GABRA3: variants seen among roughly 807,000 people sequenced by gnomAD.
GABRA3 encodes the protein gamma-aminobutyric acid type A receptor subunit alpha3.
In GABRA3, 10 loss-of-function variants were observed where a neutral mutation model predicts 30.1. The ratio of observed to expected loss-of-function variants is 0.33; its 90% confidence interval spans 0.20 to 0.56. The LOEUF is 0.56. Among genes scored for constraint, GABRA3 ranks in the 20% least tolerant of loss-of-function variants. GABRA3 has a pLI of 0.89. For missense variants in GABRA3, 233 were observed against 392.0 expected, an observed-to-expected ratio of 0.59 and a Z score of 3.42; for synonymous variants, 151 against 146.8, an observed-to-expected ratio of 1.03 and a Z score of -0.21.
intron 2 of GABRA3, 60 bp downstream of exon 2, chrX:152,364,371 T>G: frequency 9.0e-7 from 1 of 1,109,342 alleles, no homozygotes; most frequent in Non-Finnish European, 1.2e-6. Context: ...ATCAGAAGTT[T>G]TGGTCTGAGG....
At chrX:152,323,090 A>T (rs1455396871) in intron 3 of GABRA3, among the ~76,000 whole-genome samples, 1 of 109,395 alleles carries the variant, frequency 9.1e-6, no homozygotes, top group Non-Finnish European at 1.9e-5. Context: ...TGATCTCGTG[A>T]TCTGCCTGCC....
intron 1 of GABRA3, among the ~76,000 whole-genome samples, chrX:152,368,872 A>AT (rs1015065338): frequency 5.5e-5 from 6 of 108,970 alleles, no homozygotes; most frequent in Non-Finnish European, 1.1e-4. Context: ...CGCCCAGCTA[A>AT]TTTTTTGTAT....
intron 2 of GABRA3, among the ~76,000 whole-genome samples, chrX:152,350,860 C>G (rs150285999): frequency 2.2e-3 from 251 of 112,062 alleles, no homozygotes; most frequent in African/African-American, 7.8e-3. Flanking sequence ...GATCAATGGG[C>G]TGAAGAATGG....
intron 5 of GABRA3, among the ~76,000 whole-genome samples, chrX:152,237,637 A>G (rs769538536): frequency 1.0e-4 from 11 of 107,713 alleles, no homozygotes; most frequent in African/African-American, 1.7e-4. Flanking sequence ...AGCATGGAAT[A>G]TTCTTCCATT....
chrX:152,416,300 G>C (rs1236705118), intron 1 of GABRA3, among the ~76,000 whole-genome samples: 10 of 94,433 alleles, frequency 1.1e-4, no homozygotes, highest in African/African-American at 3.9e-4. Flanking sequence ...AAATACCTAG[G>C]AATCCAACTT....
At chrX:152,392,935 T>C (rs945509888) in intron 1 of GABRA3, among the ~76,000 whole-genome samples, 1 of 111,817 alleles carries the variant, frequency 8.9e-6, no homozygotes, top group African/African-American at 3.2e-5. Flanking sequence ...GCTTTGTCCA[T>C]GAGTAGATGT....
intron 7 of GABRA3, among the ~76,000 whole-genome samples, chrX:152,199,243 G>A (rs1199159713): frequency 5.7e-5 from 6 of 105,592 alleles, no homozygotes; most frequent in African/African-American, 1.7e-4. Flanking sequence ...GCGGGCACCT[G>A]TAGTCCCAGA....
chrX:152,323,895 T>C (rs1940010783), intron 3 of GABRA3, among the ~76,000 whole-genome samples: 1 of 112,171 alleles, frequency 8.9e-6, no homozygotes, highest in South Asian at 3.7e-4. Flanking sequence ...TCCCTTAACA[T>C]AATTCAAACA....
chrX:152,317,294 A>T (rs1237746933), intron 3 of GABRA3, among the ~76,000 whole-genome samples: 1 of 111,827 alleles, frequency 8.9e-6, no homozygotes, highest in Non-Finnish European at 1.9e-5. Context: ...ATATGCACCT[A>T]ACACTGGAGC....
At chrX:152,348,561 T>C (rs1029625680) in intron 2 of GABRA3, among the ~76,000 whole-genome samples, 4 of 111,621 alleles carry the variant, frequency 3.6e-5, no homozygotes, top group Non-Finnish European at 3.8e-5. Flanking sequence ...AGGACCAGAA[T>C]CAAATGACTA....
intron 4 of GABRA3, among the ~76,000 whole-genome samples, chrX:152,260,673 G>A (rs1938713926): frequency 8.9e-6 from 1 of 111,797 alleles, no homozygotes; most frequent in South Asian, 3.8e-4. Flanking sequence ...GAACCACAGT[G>A]TTACTGAGCT....
intron 4 of GABRA3, among the ~76,000 whole-genome samples, chrX:152,257,810 G>C (rs1377046125): frequency 8.9e-6 from 1 of 112,254 alleles, no homozygotes; most frequent in Admixed American, 9.5e-5. Context: ...GGGAGGAGTT[G>C]AGGAGAAAGT....
At chrX:152,294,048 C>T (rs867271675) in intron 3 of GABRA3, among the ~76,000 whole-genome samples, 1 of 111,583 alleles carries the variant, frequency 9.0e-6, no homozygotes, top group Non-Finnish European at 1.9e-5. Flanking sequence ...TTCTCTCTGG[C>T]TGCCCTTAAC....
At chrX:152,192,501 T>C (rs1937336300) in intron 8 of GABRA3, among the ~76,000 whole-genome samples, 1 of 111,493 alleles carries the variant, frequency 9.0e-6, no homozygotes, top group Non-Finnish European at 1.9e-5. Context: ...TTAATAATGT[T>C]CTTTTCTTAC....
At chrX:152,215,138 T>C (rs1937696934) in intron 6 of GABRA3, among the ~76,000 whole-genome samples, 1 of 108,583 alleles carries the variant, frequency 9.2e-6, no homozygotes, top group Non-Finnish European at 1.9e-5. Flanking sequence ...TTTCTTTCTC[T>C]TGCCTAATTG....
At chrX:152,169,068 A>G (rs1936971641) in intron 9 of GABRA3, among the ~76,000 whole-genome samples, 1 of 112,208 alleles carries the variant, frequency 8.9e-6, no homozygotes, top group African/African-American at 3.2e-5. Context: ...AATCTGGGTA[A>G]GAGATTTTTA....
intron 1 of GABRA3, among the ~76,000 whole-genome samples, chrX:152,441,186 G>A (rs1930921994): frequency 9.0e-6 from 1 of 111,001 alleles, no homozygotes; most frequent in East Asian, 2.8e-4. Context: ...ATATACATGT[G>A]TCAGAACTTA....
intron 1 of GABRA3, among the ~76,000 whole-genome samples, chrX:152,404,843 T>G (rs977284026): frequency 9.3e-6 from 1 of 107,366 alleles, no homozygotes; most frequent in Admixed American, 1.0e-4. Flanking sequence ...AAACACAGAC[T>G]TCAATGACCA....
At chrX:152,231,185 GTATA>G (rs1938064416) in intron 5 of GABRA3, among the ~76,000 whole-genome samples, 2 of 104,811 alleles carry the variant, frequency 1.9e-5, no homozygotes, top group South Asian at 4.0e-4. Flanking sequence ...ACACACATAT[GTATA>G]TATACACATA....
Sources: allele counts gnomAD v4.1 joint callset (sites outside exome capture counted in the v4.1 genomes callset), GRCh38; gene constraint gnomAD v4.1.1; transcripts MANE v1.5; gene names NCBI Gene and HGNC (gene_info 2026-07-23, HGNC 2026-07-21).